The following NEK10 variants were observed in gnomAD, a reference collection of about 807,000 sequenced individuals.
NEK10 encodes serine/threonine-protein kinase Nek10.
NEK10 carries 122 observed loss-of-function variants against 159.8 expected under a neutral mutation model. The ratio of observed to expected loss-of-function variants is 0.76; its 90% CI spans 0.66 to 0.89. The LOEUF (loss-of-function observed/expected upper bound fraction) is 0.89. Ranked by LOEUF, NEK10 falls within the 40% of genes least tolerant of loss-of-function variation. NEK10 has a pLI of 0.00. For synonymous variants in NEK10, 466 were observed against 457.1 expected, an observed-to-expected ratio of 1.02 and a Z score of -0.25; for missense variants, 1,342 against 1,323.1, an observed-to-expected ratio of 1.01 and a Z score of -0.22.
intron 30 of NEK10, among the ~76,000 whole-genome samples, chr3:27,160,148 T>C (rs1167830551): frequency 1.3e-5 from 2 of 152,284 alleles, no homozygotes; most frequent in East Asian, 1.9e-4. Context: ...CAAATTTAAG[T>C]GCTTTACCTA....
At chr3:27,245,459 T>A (rs1289156728) in intron 23 of NEK10, among the ~76,000 whole-genome samples, 1 of 152,178 alleles carries the variant, frequency 6.6e-6, no homozygotes, top group African/African-American at 2.4e-5. Context: ...TTTACTTTCT[T>A]GGAATGTTAC....
intron 32 of NEK10, among the ~76,000 whole-genome samples, chr3:27,123,476 G>A (rs902836984): frequency 1.3e-5 from 2 of 152,076 alleles, no homozygotes; most frequent in Non-Finnish European, 2.9e-5. Flanking sequence ...TGTTATATGG[G>A]CATTCATGAT....
chr3:27,232,593 C>T (rs1953422914), intron 23 of NEK10, among the ~76,000 whole-genome samples: 1 of 151,880 alleles, frequency 6.6e-6, no homozygotes, highest in Non-Finnish European at 1.5e-5. Flanking sequence ...AAAAAAGAGC[C>T]CACATAGCCA....
At chr3:27,184,554 A>T (rs1484669590) in intron 26 of NEK10, among the ~76,000 whole-genome samples, 1 of 152,216 alleles carries the variant, frequency 6.6e-6, no homozygotes, top group Non-Finnish European at 1.5e-5. Flanking sequence ...CATGTAAATT[A>T]TATGTCAATA....
At position 27,126,102 on chromosome 3, in the gene NEK10, G is replaced by A. The variant is rs922422718; in HGVS notation, c.3081+5778C>T. Among the ~76,000 whole-genome samples, 39 of 152,170 alleles carry A rather than the reference G, an allele frequency of 2.6e-4. 1 individual carries two copies. The highest frequency in any genetic ancestry group is 8.9e-4 in the African/African-American group (37 of 41,440). ...AAGTCATGATTATTATATGCATAAA[G>A]AGCCGTTAATTCAAGTCTGAGCACC... is the stretch of plus-strand genomic sequence containing the variant. On this transcript the variant is annotated intron_variant, in intron 32 of 35. Coordinates refer to ENST00000691995, the MANE Select transcript of NEK10 (RefSeq NM_001394966.1).
intron 28 of NEK10, 81 bp downstream of exon 28, chr3:27,174,358 T>C: frequency 1.3e-6 from 2 of 1,597,930 alleles, no homozygotes; most frequent in South Asian, 1.1e-5. Context: ...TATATGGTGA[T>C]ATTTGCTTGA....
intron 1 of NEK10, among the ~76,000 whole-genome samples, chr3:27,358,345 G>A (rs2048458916): frequency 6.6e-6 from 1 of 152,208 alleles, no homozygotes; most frequent in Admixed American, 6.5e-5. Context: ...GGAGAGAAGA[G>A]ACTTTTCCAA....
intron 23 of NEK10, among the ~76,000 whole-genome samples, chr3:27,233,261 C>T (rs757143606): frequency 1.3e-5 from 2 of 151,982 alleles, no homozygotes; most frequent in Non-Finnish European, 2.9e-5. Context: ...TAAAAGAAGA[C>T]ATAGAAACAA....
intron 23 of NEK10, among the ~76,000 whole-genome samples, chr3:27,239,234 A>G (rs1575405566): frequency 6.6e-6 from 1 of 152,354 alleles, no homozygotes; most frequent in East Asian, 1.9e-4. Context: ...TTAAGTGCCC[A>G]GAAAGAATGT....
At chr3:27,352,700 T>TA in intron 2 of NEK10, 112 bp downstream of exon 2, 1 of 831,354 alleles carries the variant, frequency 1.2e-6, no homozygotes, top group South Asian at 1.5e-5. Flanking sequence ...GTAAGCACTG[T>TA]AACTCTGAAT....
At chr3:27,353,509 T>C (rs1399758181) in intron 1 of NEK10, among the ~76,000 whole-genome samples, 1 of 152,186 alleles carries the variant, frequency 6.6e-6, no homozygotes, top group Non-Finnish European at 1.5e-5. Flanking sequence ...TTCCACTGAA[T>C]CTAGTGAAAT....
intron 23 of NEK10, among the ~76,000 whole-genome samples, chr3:27,252,704 T>G (rs1250064824): frequency 1.3e-5 from 2 of 152,090 alleles, no homozygotes; most frequent in Non-Finnish European, 2.9e-5. Context: ...TGAAGGCAGG[T>G]AAGAATTAAC....
intron 31 of NEK10, among the ~76,000 whole-genome samples, chr3:27,138,221 C>T (rs1943420161): frequency 6.6e-6 from 1 of 152,152 alleles, no homozygotes; most frequent in Non-Finnish European, 1.5e-5. Flanking sequence ...CATGGAGCAA[C>T]ACCTAACTCA....
At chr3:27,185,492 T>C (rs1319269547) in intron 26 of NEK10, among the ~76,000 whole-genome samples, 1 of 152,210 alleles carries the variant, frequency 6.6e-6, no homozygotes, top group Admixed American at 6.5e-5. Flanking sequence ...CTGAGGCATC[T>C]CTGAGATGAG....
chr3:27,308,574 C>T (rs541342456), intron 10 of NEK10, among the ~76,000 whole-genome samples: 16 of 152,178 alleles, frequency 1.1e-4, no homozygotes, highest in African/African-American at 2.9e-4. Context: ...TGTTTGAAAA[C>T]GTTCTGTATG....
intron 1 of NEK10, among the ~76,000 whole-genome samples, chr3:27,365,896 ATTCC>A (rs1346099296): frequency 1.3e-5 from 2 of 152,014 alleles, no homozygotes; most frequent in African/African-American, 4.8e-5. Context: ...ATGCCTGGCC[ATTCC>A]TGTTTTTTAA....
intron 26 of NEK10, among the ~76,000 whole-genome samples, chr3:27,188,255 A>C (rs1256324268): frequency 1.3e-5 from 2 of 152,044 alleles, no homozygotes; most frequent in Non-Finnish European, 2.9e-5. Flanking sequence ...TCATTTATTT[A>C]CCCAAAATGT....
At chr3:27,119,110 CCTA>C in intron 33 of NEK10, among the ~76,000 whole-genome samples, 1 of 152,278 alleles carries the variant, frequency 6.6e-6, no homozygotes, top group Non-Finnish European at 1.5e-5. Context: ...ATGCTGAGCC[CCTA>C]CTAATAGACA....
chr3:27,325,860 C>T (rs1290642484), intron 5 of NEK10, among the ~76,000 whole-genome samples: 1 of 152,226 alleles, frequency 6.6e-6, no homozygotes, highest in Non-Finnish European at 1.5e-5. Context: ...CACCAAGACT[C>T]TTGGCAGCTA....
Sources: allele counts gnomAD v4.1 joint callset (sites outside exome capture counted in the v4.1 genomes callset), GRCh38; gene constraint gnomAD v4.1.1; transcripts MANE v1.5; gene names NCBI Gene and HGNC (gene_info 2026-07-23, HGNC 2026-07-21).